ZNF385D: variants seen among roughly 807,000 people sequenced by gnomAD.
ZNF385D encodes the protein zinc finger protein 659.
A neutral mutation model predicts 35.8 loss-of-function variants in ZNF385D; 15 were observed. The observed-to-expected ratio is 0.42, with a 90% CI of 0.28 to 0.64. ZNF385D has a LOEUF of 0.64. ZNF385D is among the 30% of genes least tolerant of loss of function. ZNF385D has a pLI of 0.23. For missense variants in ZNF385D, 474 were observed against 494.6 expected, an observed-to-expected ratio of 0.96 and a Z score of 0.39; for synonymous variants, 212 against 186.8, an observed-to-expected ratio of 1.13 and a Z score of -1.10.
At chr3:22,010,723 G>A (rs997793720) in intron 3 of ZNF385D, among the ~76,000 whole-genome samples, 1 of 152,132 alleles carries the variant, frequency 6.6e-6, no homozygotes, top group African/African-American at 2.4e-5. Flanking sequence ...AGAACCAGGT[G>A]AACTTTTTCC....
intron 1 of ZNF385D, among the ~76,000 whole-genome samples, chr3:21,709,482 T>C (rs933388484): frequency 2.6e-5 from 3 of 116,710 alleles, no homozygotes; most frequent in Non-Finnish European, 3.6e-5. Flanking sequence ...CTGAGGCTTC[T>C]ATGAAAACAA....
intron 4 of ZNF385D, among the ~76,000 whole-genome samples, chr3:21,462,341 TTCA>T (rs536795827): frequency 2.6e-4 from 39 of 152,258 alleles, no homozygotes; most frequent in Non-Finnish European, 5.7e-4. Context: ...TAAGCAGACA[TTCA>T]TCATAGAACC....
chr3:21,660,263 A>G lies in ZNF385D; in HGVS notation c.165+4623T>C, dbSNP rs534611025. Among the ~76,000 whole-genome samples, 3 of 151,716 alleles carry G rather than the reference A, an allele frequency of 2.0e-5. No individual in the cohort carries two copies. In the South Asian group the frequency reaches 6.2e-4, roughly 31 times the overall value. Reference sequence around the variant, plus strand: ...TTAATGTTAAAGAACCATCAGCCAAAGCTAGCTAAAGCAAAAGTTATCCTC... The same window carrying G: ...TTAATGTTAAAGAACCATCAGCCAAGGCTAGCTAAAGCAAAAGTTATCCTC... On this transcript the variant is annotated intron_variant, in intron 2 of 7. Coordinates refer to ENST00000281523, the MANE Select transcript of ZNF385D (RefSeq NM_024697.3).
At chr3:21,431,802 T>TGGGC (rs1158086535) in intron 5 of ZNF385D, among the ~76,000 whole-genome samples, 1 of 152,164 alleles carries the variant, frequency 6.6e-6, no homozygotes, top group East Asian at 1.9e-4. Flanking sequence ...AAACAATCTT[T>TGGGC]GGGCCTTAAT....
In ZNF385D at chr3:21,822,418, A is replaced by G. The variant is rs574864494; in HGVS notation, c.326-157390T>C. 1.8e-4 allele frequency among the ~76,000 whole-genome samples: 28 copies of G among 152,266 alleles called. No homozygotes were observed. The South Asian group carries it at 5.8e-3, about 32-fold the overall frequency. On this transcript the variant is annotated intron_variant, in intron 3 of 5. Transcript: ENST00000494108. The stretch of plus-strand genomic sequence containing the variant: ...GAAAAGAAAACTTTTCAAAAATTAA[A>G]AAGTTGGCTAAACCTCAGCACTGAT...
intron 3 of ZNF385D, among the ~76,000 whole-genome samples, chr3:21,524,924 A>G (rs1708132145): frequency 6.6e-6 from 1 of 152,128 alleles, no homozygotes; most frequent in Non-Finnish European, 1.5e-5. Context: ...CCTGGCATCT[A>G]GAGAAAGGGA....
chr3:21,978,353 A>C (rs1016989338), intron 3 of ZNF385D: 10 of 152,224 alleles, frequency 6.6e-5, no homozygotes, highest in Non-Finnish European at 1.3e-4. Flanking sequence ...CCTAGGATTT[A>C]AATTAAGGCC....
chr3:22,181,293 G>A (rs1483901392), intron 2 of ZNF385D, among the ~76,000 whole-genome samples: 1 of 151,982 alleles, frequency 6.6e-6, no homozygotes, highest in Non-Finnish European at 1.5e-5. Flanking sequence ...CCTAACAGTG[G>A]CACATATACT....
intron 2 of ZNF385D, among the ~76,000 whole-genome samples, chr3:21,639,497 CTCT>C (rs967810519): frequency 3.3e-5 from 5 of 152,044 alleles, no homozygotes; most frequent in Non-Finnish European, 5.9e-5. Flanking sequence ...TTATCATGAG[CTCT>C]TCTTTATGTC....
intron 3 of ZNF385D, among the ~76,000 whole-genome samples, chr3:21,806,523 G>A (rs1021941825): frequency 2.0e-5 from 3 of 152,018 alleles, no homozygotes; most frequent in African/African-American, 4.8e-5. Flanking sequence ...TCGTTTTATA[G>A]TTAATTGGGG....
chr3:22,064,242 G>A (rs936418114), intron 3 of ZNF385D, among the ~76,000 whole-genome samples: 2 of 152,170 alleles, frequency 1.3e-5, no homozygotes, highest in Admixed American at 6.5e-5. Context: ...AATCCTCTCC[G>A]AAGGGGTCAA....
intron 3 of ZNF385D, among the ~76,000 whole-genome samples, chr3:22,132,851 G>A (rs13322025): frequency 7.9e-5 from 12 of 151,992 alleles, no homozygotes; most frequent in African/African-American, 2.2e-4. Flanking sequence ...TATGTAAAGC[G>A]CTAAAGATAT....
intron 2 of ZNF385D, among the ~76,000 whole-genome samples, chr3:21,662,403 T>C (rs1324017182): frequency 2.6e-5 from 4 of 152,140 alleles, no homozygotes; most frequent in African/African-American, 9.7e-5. Context: ...TGAAACAAAA[T>C]TAGAGTGGAT....
intron 2 of ZNF385D, among the ~76,000 whole-genome samples, chr3:22,344,769 T>G (rs1004631704): frequency 2.0e-5 from 3 of 152,162 alleles, no homozygotes; most frequent in Non-Finnish European, 4.4e-5. Flanking sequence ...TTGTAAAGAT[T>G]AAGTATATTT....
rs1206536164 is a variant in ZNF385D at position 22,354,938 on chromosome 3, C to G, written c.106+17512G>C. On this transcript the variant is annotated intron_variant, in intron 2 of 5. Coordinates refer to the ZNF385D transcript ENST00000494108. ...CTCATGGCTACCATACAGGAAAACA[C>G]AGATATAGGAAGAACATCACCCTCA... Among the ~76,000 whole-genome samples, 4 of 152,148 alleles carry G rather than the reference C, an allele frequency of 2.6e-5. No homozygotes were observed. The East Asian group carries it at 7.7e-4, about 29-fold the overall frequency.
rs543931215 is a variant in ZNF385D at position 21,633,581 on chromosome 3, CT to C, written c.165+31304del. Among the ~76,000 whole-genome samples, 297 of 152,174 alleles carry C rather than the reference CT, an allele frequency of 2.0e-3. 1 individual carries two copies. The highest frequency in any genetic ancestry group is 3.3e-3 in the Non-Finnish European group (223 of 67,960). ...CAAAGACTTCTGGACAAATAACTAT[CT>C]TTATGCTGCTCTGAATATTAGTTCT... On this transcript the variant is annotated intron_variant, in intron 2 of 7. Coordinates refer to ENST00000281523, the MANE Select transcript of ZNF385D (RefSeq NM_024697.3).
chr3:22,138,449 G>C (rs1704293607), intron 3 of ZNF385D, among the ~76,000 whole-genome samples: 1 of 152,088 alleles, frequency 6.6e-6, no homozygotes, highest in African/African-American at 2.4e-5. Flanking sequence ...AAACAGCATG[G>C]TACTGGTACC....
intron 3 of ZNF385D, among the ~76,000 whole-genome samples, chr3:22,133,292 A>G (rs1245885060): frequency 6.6e-6 from 1 of 152,024 alleles, no homozygotes; most frequent in Non-Finnish European, 1.5e-5. Context: ...AATAACATGA[A>G]AATCTGAAGT....
intron 2 of ZNF385D, among the ~76,000 whole-genome samples, chr3:22,319,980 CTT>C (rs1206733906): frequency 6.6e-6 from 1 of 151,976 alleles, no homozygotes; most frequent in Non-Finnish European, 1.5e-5. Context: ...TCAGAACTCT[CTT>C]TGACTGAGAC....
Sources: gnomAD v4.1 joint callset for allele counts (sites outside exome capture counted in the v4.1 genomes callset) on GRCh38, gnomAD v4.1.1 for gene constraint, MANE v1.5 for transcripts, NCBI Gene and HGNC (gene_info 2026-07-23, HGNC 2026-07-21) for gene names.